Variants in XIRP2 observed in about 807,000 individuals in gnomAD.
XIRP2 encodes the protein xin actin-binding repeat-containing protein 2.
XIRP2 carries 236 observed loss-of-function variants against 277.0 expected under a neutral mutation model. The ratio of observed to expected loss-of-function variants is 0.85; its 90% CI spans 0.77 to 0.95. The LOEUF is 0.95. XIRP2 is among the 40% of genes least tolerant of loss of function. The probability of loss-of-function intolerance (pLI) is 0.00; values close to 1 mark genes in which losing one functional copy is unlikely to be tolerated. For missense variants in XIRP2, 4,640 were observed against 4,157.5 expected (o/e 1.12, Z -3.19); for synonymous variants, 1,490 against 1,416.5 (o/e 1.05, Z -1.17).
intron 2 of XIRP2, among the ~76,000 whole-genome samples, chr2:167,103,937 A>G (rs564579034): frequency 6.6e-6 from 1 of 152,256 alleles, no homozygotes; most frequent in Middle Eastern, 3.4e-3. Flanking sequence ...TTCTGCTCTA[A>G]TCTGTACTTC....
At chr2:167,172,170 G>T (rs1226751076) in intron 3 of XIRP2, among the ~76,000 whole-genome samples, 1 of 152,132 alleles carries the variant, frequency 6.6e-6, no homozygotes, top group Non-Finnish European at 1.5e-5. Flanking sequence ...GACATCACAT[G>T]TCGGCAGGTT....
intron 2 of XIRP2, among the ~76,000 whole-genome samples, chr2:167,048,031 T>A (rs1348563517): frequency 6.6e-6 from 1 of 151,948 alleles, no homozygotes; most frequent in Non-Finnish European, 1.5e-5. Context: ...TGCCAAAATT[T>A]CTGAAAGACA....
chr2:167,024,485 A>T (rs1351834866), intron 2 of XIRP2, among the ~76,000 whole-genome samples: 3 of 152,006 alleles, frequency 2.0e-5, no homozygotes, highest in Non-Finnish European at 4.4e-5. Flanking sequence ...AACTTCCCAC[A>T]CTATGTTGAA....
chr2:167,130,690 C>T (rs536376886), intron 2 of XIRP2, among the ~76,000 whole-genome samples: 6 of 152,104 alleles, frequency 3.9e-5, no homozygotes, highest in Admixed American at 2.0e-4. Context: ...ACTTACATTG[C>T]ACAGTGTATC....
At chr2:167,159,753 C>T (rs573311851) in intron 3 of XIRP2, among the ~76,000 whole-genome samples, 7 of 152,240 alleles carry the variant, frequency 4.6e-5, no homozygotes, top group African/African-American at 1.7e-4. Context: ...TTGGATGATG[C>T]TTTTCAACAT....
intron 2 of XIRP2, among the ~76,000 whole-genome samples, chr2:167,116,351 G>A (rs528744431): frequency 1.4e-3 from 208 of 152,242 alleles, no homozygotes; most frequent in Non-Finnish European, 2.3e-3. Flanking sequence ...GGATTGAAAT[G>A]CCTTTTGATC....
chr2:167,190,750 G>A (rs890499842), intron 3 of XIRP2, among the ~76,000 whole-genome samples: 1 of 152,098 alleles, frequency 6.6e-6, no homozygotes, highest in Admixed American at 6.5e-5. Context: ...AATCAATTAC[G>A]TGTATGAGTT....
At chr2:166,958,968 C>G (rs1159823552) in intron 2 of XIRP2, among the ~76,000 whole-genome samples, 4 of 151,788 alleles carry the variant, frequency 2.6e-5, no homozygotes, top group African/African-American at 4.8e-5. Flanking sequence ...CTAGCACAGA[C>G]TCCTCTGCCT....
chr2:167,170,827 T>G (rs776389284), intron 3 of XIRP2, among the ~76,000 whole-genome samples: 9 of 151,942 alleles, frequency 5.9e-5, no homozygotes, highest in Non-Finnish European at 1.2e-4. Flanking sequence ...TTCTTCAACT[T>G]GCTTTCACTT....
chr2:166,968,144 G>T (rs1686477589), intron 2 of XIRP2, among the ~76,000 whole-genome samples: 1 of 151,912 alleles, frequency 6.6e-6, no homozygotes, highest in Admixed American at 6.6e-5. Flanking sequence ...GTATGAAGAT[G>T]GAATGAGCTT....
At chr2:166,947,541 C>A (rs1685909901) in intron 2 of XIRP2, among the ~76,000 whole-genome samples, 1 of 152,082 alleles carries the variant, frequency 6.6e-6, no homozygotes, top group Non-Finnish European at 1.5e-5. Context: ...TTAGTTTTGA[C>A]ATTTGTGTTC....
At chr2:167,018,566 C>G (rs1687896030) in intron 2 of XIRP2, among the ~76,000 whole-genome samples, 1 of 152,008 alleles carries the variant, frequency 6.6e-6, no homozygotes, top group African/African-American at 2.4e-5. Context: ...AGAATTCAGG[C>G]ATAAGCCACA....
chr2:166,971,959 A>G (rs2105421083), intron 2 of XIRP2, among the ~76,000 whole-genome samples: 1 of 152,240 alleles, frequency 6.6e-6, no homozygotes, highest in South Asian at 2.1e-4. Flanking sequence ...AATATAAAGG[A>G]CATTTGCTAT....
At chr2:166,941,775 A>T (rs569223481) in intron 2 of XIRP2, among the ~76,000 whole-genome samples, 4 of 152,226 alleles carry the variant, frequency 2.6e-5, no homozygotes, top group Non-Finnish European at 5.9e-5. Context: ...CTGTTCTATA[A>T]AAAGAAGAAA....
chr2:167,073,260 G>A (rs1013962412), intron 2 of XIRP2, among the ~76,000 whole-genome samples: 12 of 152,002 alleles, frequency 7.9e-5, no homozygotes, highest in Admixed American at 7.9e-4. Flanking sequence ...TCTCTAGCAA[G>A]TAATTACTTG....
intron 4 of XIRP2, among the ~76,000 whole-genome samples, chr2:167,214,134 G>C (rs113528646): frequency 2.1e-4 from 23 of 112,170 alleles, no homozygotes; most frequent in African/African-American, 4.6e-4. Context: ...AGGAAGGAAG[G>C]AAGCAAAGAG....
Position 167,009,614 on chromosome 2 carries a change from G to A in XIRP2, c.408+105724G>A, listed in dbSNP as rs550807584. Among the ~76,000 whole-genome samples the A allele has an allele frequency of 6.2e-4, 95 of 152,056 alleles. 1 individual carries two copies. In the East Asian group the frequency reaches 0.018, roughly 29 times the overall value. On this transcript the variant is annotated intron_variant, in intron 2 of 10. Transcript: ENST00000409195. ...ATGGCTGGGTCAAATGGTATTTCTA[G>A]TTCTAGATCCCTGAGGAATCGCCAC...
chr2:167,025,484 T>C (rs1688126118), intron 2 of XIRP2, among the ~76,000 whole-genome samples: 2 of 152,080 alleles, frequency 1.3e-5, no homozygotes, highest in African/African-American at 4.8e-5. Context: ...AGTTATTTCT[T>C]GCCTTCTGCT....
At chr2:167,010,528 G>A (rs1195660932) in intron 2 of XIRP2, among the ~76,000 whole-genome samples, 1 of 152,000 alleles carries the variant, frequency 6.6e-6, no homozygotes, top group Admixed American at 6.6e-5. Context: ...TGTTCTTTTG[G>A]CTTAGGATTG....
Sources: gnomAD v4.1 joint callset for allele counts (sites outside exome capture counted in the v4.1 genomes callset) on GRCh38, gnomAD v4.1.1 for gene constraint, MANE v1.5 for transcripts, NCBI Gene and HGNC (gene_info 2026-07-23, HGNC 2026-07-21) for gene names.